LRP6: variants seen among roughly 807,000 people sequenced by gnomAD.
LRP6 encodes low-density lipoprotein receptor-related protein 6.
A neutral mutation model predicts 184.1 loss-of-function variants in LRP6; 43 were observed. The ratio of observed to expected loss-of-function variants is 0.23; its 90% CI spans 0.18 to 0.30. LRP6 has a LOEUF of 0.30. LRP6 is among the 10% of genes least tolerant of loss of function. The pLI is 1.00. For synonymous variants in LRP6, 719 were observed against 684.9 expected (o/e 1.05, Z -0.78); for missense variants, 1,571 against 2,005.3 (o/e 0.78, Z 4.14).
rs1256936035 is a variant in LRP6, at chr12:12,124,433, C to T, written c.4547+132G>A. On this transcript the variant is annotated intron_variant, in intron 22 of 22. Transcript: ENST00000261349. ...AAAGGATTTGTGGTAGAGGCAATGT[C>T]AGTACTATCAAGATAAGATGACTAG... The T allele has an allele frequency of 5.1e-5, 36 of 705,792 alleles. No individual in the cohort carries two copies. In the Admixed American group the frequency reaches 7.6e-4, roughly 15 times the overall value. 43.7% of individuals were successfully genotyped at this position (705,792 alleles called of 1,614,324 possible). A position where few individuals can be genotyped will look rare whatever the true frequency, so the allele number is the denominator to read the frequency against.
intron 21 of LRP6, 78 bp downstream of exon 21, chr12:12,125,218 C>A: frequency 6.5e-7 from 1 of 1,550,176 alleles, no homozygotes; most frequent in South Asian, 1.1e-5. Flanking sequence ...ATTACTATCA[C>A]TGATCACCCA....
At chr12:12,231,819 A>G (rs1221917053) in intron 2 of LRP6, among the ~76,000 whole-genome samples, 2 of 151,964 alleles carry the variant, frequency 1.3e-5, no homozygotes, top group South Asian at 2.1e-4. Flanking sequence ...ATTCAAGTCC[A>G]TCCTGAGCAA....
chr12:12,255,218 A>G (rs1449189708), intron 1 of LRP6, among the ~76,000 whole-genome samples: 2 of 152,006 alleles, frequency 1.3e-5, no homozygotes, highest in South Asian at 2.1e-4. Context: ...TCTTCTCCCC[A>G]CAAATTCCTA....
At chr12:12,194,515 T>C (rs1442423750) in intron 3 of LRP6, among the ~76,000 whole-genome samples, 1 of 152,158 alleles carries the variant, frequency 6.6e-6, no homozygotes, top group Admixed American at 6.5e-5. Flanking sequence ...TATTGCTTTT[T>C]GTAAGTGTGC....
chr12:12,130,463 G>C (rs943747375), intron 19 of LRP6, among the ~76,000 whole-genome samples: 2 of 152,208 alleles, frequency 1.3e-5, no homozygotes, highest in Non-Finnish European at 2.9e-5. Context: ...TGGGATTACA[G>C]GTGTGAGCCA....
At chr12:12,239,719 A>T (rs1035291255) in intron 2 of LRP6, among the ~76,000 whole-genome samples, 2 of 151,302 alleles carry the variant, frequency 1.3e-5, no homozygotes, top group Non-Finnish European at 2.9e-5. Context: ...TTTTCTTTAT[A>T]ATCACCAAGT....
chr12:12,168,004 A>G (rs1862934707), intron 7 of LRP6, among the ~76,000 whole-genome samples: 1 of 152,198 alleles, frequency 6.6e-6, no homozygotes, highest in Non-Finnish European at 1.5e-5. Context: ...TCCCATTTTT[A>G]TTGTTTACTT....
intron 2 of LRP6, among the ~76,000 whole-genome samples, chr12:12,239,726 A>G (rs1865013205): frequency 6.6e-6 from 1 of 151,546 alleles, no homozygotes; most frequent in South Asian, 2.1e-4. Flanking sequence ...TATAATCACC[A>G]AGTTTCAATC....
At chr12:12,148,087 C>T (rs892334419) in intron 14 of LRP6, among the ~76,000 whole-genome samples, 67 of 150,062 alleles carry the variant, frequency 4.5e-4, no homozygotes, top group African/African-American at 1.6e-3. Context: ...TAAATATATA[C>T]ATATCTATTT....
chr12:12,186,663 T>C (rs1863483715), intron 4 of LRP6: 1 of 379,200 alleles, frequency 2.6e-6, no homozygotes. Flanking sequence ...TTTAACTTTT[T>C]TTTTTTTTTT....
chr12:12,159,694 A>G, intron 11 of LRP6, 86 bp downstream of exon 11: 1 of 1,282,386 alleles, frequency 7.8e-7, no homozygotes, highest in Non-Finnish European at 1.1e-6. Flanking sequence ...AAGTTGTATT[A>G]AAAGTATCTA....
intron 20 of LRP6, among the ~76,000 whole-genome samples, 176 bp downstream of exon 20, chr12:12,126,515 G>C (rs1949673406): frequency 6.6e-6 from 1 of 152,164 alleles, no homozygotes; most frequent in Admixed American, 6.5e-5. Flanking sequence ...CATATCTAAG[G>C]CCTTCTGTGT....
At chr12:12,264,383 T>C (rs1865704819) in intron 1 of LRP6, among the ~76,000 whole-genome samples, 1 of 152,140 alleles carries the variant, frequency 6.6e-6, no homozygotes. Context: ...AGTTATGAAG[T>C]TGTGACACTT....
chr12:12,169,548 T>G (rs1862975678), intron 7 of LRP6, among the ~76,000 whole-genome samples: 1 of 152,120 alleles, frequency 6.6e-6, no homozygotes, highest in African/African-American at 2.4e-5. Context: ...TTCAGCAACA[T>G]TTGCTGAAAG....
intron 3 of LRP6, among the ~76,000 whole-genome samples, chr12:12,196,267 C>G (rs574276600): frequency 2.6e-5 from 4 of 151,544 alleles, no homozygotes; most frequent in African/African-American, 9.7e-5. Context: ...TCCACTGAAT[C>G]TGCAGGTTGC....
At chr12:12,249,011 G>T in intron 1 of LRP6, 1 of 601,562 alleles carries the variant, frequency 1.7e-6, no homozygotes, top group East Asian at 2.8e-5. Flanking sequence ...CACAGGCTCG[G>T]GGGTAAAAGT....
At chr12:12,198,966 G>C (rs571211561) in intron 3 of LRP6, among the ~76,000 whole-genome samples, 352 of 152,018 alleles carry the variant, frequency 2.3e-3, no homozygotes, top group African/African-American at 8.2e-3. Flanking sequence ...GACTTTTCCA[G>C]AAAACTAGCT....
chr12:12,138,785 A>C (rs1242696544), intron 15 of LRP6: 6 of 1,474,322 alleles, frequency 4.1e-6, no homozygotes, highest in Non-Finnish European at 5.5e-6. Context: ...AGAAATGTAG[A>C]AAAGAACTTA....
chr12:12,207,546 A>G (rs1333425512), intron 2 of LRP6, among the ~76,000 whole-genome samples: 2 of 152,038 alleles, frequency 1.3e-5, no homozygotes, highest in Admixed American at 6.6e-5. Flanking sequence ...ATTAATAATA[A>G]TAACGCTTTC....
Sources: allele counts gnomAD v4.1 joint callset (sites outside exome capture counted in the v4.1 genomes callset), GRCh38; gene constraint gnomAD v4.1.1; transcripts MANE v1.5; gene names NCBI Gene and HGNC (gene_info 2026-07-23, HGNC 2026-07-21).